The following PRKG1 variants were observed in gnomAD, a reference collection of about 807,000 sequenced individuals.
The protein encoded by PRKG1 is protein kinase cGMP-dependent 1.
PRKG1 carries 35 observed loss-of-function variants against 88.1 expected under a neutral mutation model. That is an observed-to-expected ratio of 0.40 (90% CI 0.30 to 0.53). The LOEUF (loss-of-function observed/expected upper bound fraction) is 0.53, where lower values mean the gene tolerates loss of function less well. PRKG1 is among the 20% of genes least tolerant of loss of function. The pLI, the probability that PRKG1 is intolerant of heterozygous loss-of-function variation, is 0.59. For synonymous variants in PRKG1, 303 were observed against 292.5 expected (o/e 1.04, Z -0.37); for missense variants, 540 against 839.8 (o/e 0.64, Z 4.41).
At chr10:51,637,473 G>T (rs151167873) in intron 3 of PRKG1, among the ~76,000 whole-genome samples, 3 of 152,182 alleles carry the variant, frequency 2.0e-5, no homozygotes, top group Non-Finnish European at 4.4e-5. Context: ...ATATGTATGC[G>T]TTCATTGCAG....
chr10:52,176,023 C>T (rs1838855238), intron 9 of PRKG1, among the ~76,000 whole-genome samples: 1 of 151,908 alleles, frequency 6.6e-6, no homozygotes, highest in Admixed American at 6.6e-5. Flanking sequence ...TTTATTTTCA[C>T]TTCTGTTGCC....
At chr10:51,970,091 A>G (rs1843673334) in intron 5 of PRKG1, among the ~76,000 whole-genome samples, 1 of 151,334 alleles carries the variant, frequency 6.6e-6, no homozygotes, top group South Asian at 2.1e-4. Context: ...TCCCTGAACC[A>G]TTATGTTATA....
At chr10:51,880,632 A>C (rs1209458897) in intron 4 of PRKG1, among the ~76,000 whole-genome samples, 1 of 152,218 alleles carries the variant, frequency 6.6e-6, no homozygotes, top group Non-Finnish European at 1.5e-5. Flanking sequence ...TTAATCTTTT[A>C]AAAACGTCCT....
chr10:51,443,434 G>A (rs969165417), intron 2 of PRKG1, among the ~76,000 whole-genome samples: 5 of 151,948 alleles, frequency 3.3e-5, no homozygotes, highest in Non-Finnish European at 5.9e-5. Context: ...ATCTGAAGGC[G>A]TGCATTAATA....
chr10:51,685,786 A>T (rs899332381), intron 3 of PRKG1, among the ~76,000 whole-genome samples: 1 of 152,176 alleles, frequency 6.6e-6, no homozygotes, highest in African/African-American at 2.4e-5. Flanking sequence ...ACCAGCCATG[A>T]TCATATATGT....
Position 51,933,277 on chromosome 10 carries a change from T to G in PRKG1, c.762+25707T>G, listed in dbSNP as rs76017992. 2.4e-4 allele frequency among the ~76,000 whole-genome samples: 37 copies of G among 152,282 alleles called. No individual in the cohort carries two copies. The East Asian group carries it at 6.9e-3, about 29-fold the overall frequency. On this transcript the variant is annotated intron_variant, in intron 5 of 17. Transcript: ENST00000373980. ...TCTTTTTAAGCCAAAAAATCCAGATTTTTATATGAAATCCAGAGTTTTTTT... is the reference window on the plus strand; with the variant it reads ...TCTTTTTAAGCCAAAAAATCCAGATGTTTATATGAAATCCAGAGTTTTTTT...
At chr10:51,093,391 C>T (rs1221605471) in intron 1 of PRKG1, among the ~76,000 whole-genome samples, 1 of 152,030 alleles carries the variant, frequency 6.6e-6, no homozygotes, top group African/African-American at 2.4e-5. Flanking sequence ...TCCTGGTGCC[C>T]AAAATAATGG....
intron 2 of PRKG1, among the ~76,000 whole-genome samples, chr10:51,403,890 T>C (rs113905724): frequency 0.033 from 5,017 of 152,302 alleles, 266 homozygotes; most frequent in African/African-American, 0.11. Context: ...TTAGTTGAAG[T>C]ATTTTGAAAG....
At chr10:51,835,114 T>C (rs183604464) in intron 4 of PRKG1, among the ~76,000 whole-genome samples, 1 of 152,234 alleles carries the variant, frequency 6.6e-6, no homozygotes, top group African/African-American at 2.4e-5. Flanking sequence ...TTTTCAGCTC[T>C]GGGGCTGGAG....
intron 3 of PRKG1, among the ~76,000 whole-genome samples, chr10:51,784,354 C>T (rs142652406): frequency 8.3e-4 from 126 of 152,180 alleles, no homozygotes; most frequent in African/African-American, 2.8e-3. Context: ...ATGCAGTACA[C>T]ATATGTAGCT....
intron 2 of PRKG1, among the ~76,000 whole-genome samples, chr10:51,381,946 A>G (rs7093265): frequency 0.028 from 4,302 of 152,302 alleles, 197 homozygotes; most frequent in African/African-American, 0.095. Flanking sequence ...GAAGGAAAAG[A>G]GACATTCAGA....
chr10:52,008,573 A>G (rs1313112389), intron 5 of PRKG1, among the ~76,000 whole-genome samples: 1 of 152,104 alleles, frequency 6.6e-6, no homozygotes, highest in Non-Finnish European at 1.5e-5. Flanking sequence ...AAACTCAACC[A>G]GAAGAAATTA....
At chr10:52,084,884 A>T (rs1236885482) in intron 7 of PRKG1, among the ~76,000 whole-genome samples, 2 of 152,044 alleles carry the variant, frequency 1.3e-5, no homozygotes, top group African/African-American at 2.4e-5. Flanking sequence ...GTATCCTTTA[A>T]TCTGAAACTA....
intron 7 of PRKG1, among the ~76,000 whole-genome samples, chr10:52,080,759 GAATTT>G (rs984346595): frequency 5.9e-5 from 9 of 151,846 alleles, no homozygotes; most frequent in African/African-American, 1.9e-4. Context: ...TTTTTAAAAT[GAATTT>G]AATTTATTTA....
chr10:51,472,902 C>T (rs1840086242), intron 3 of PRKG1, among the ~76,000 whole-genome samples: 2 of 151,828 alleles, frequency 1.3e-5, no homozygotes, highest in African/African-American at 4.8e-5. Flanking sequence ...CAGTTTAATA[C>T]ATGATTTTTA....
intron 9 of PRKG1, among the ~76,000 whole-genome samples, chr10:52,206,845 CCAAAG>C (rs1839833408): frequency 1.3e-5 from 2 of 152,184 alleles, no homozygotes; most frequent in African/African-American, 4.8e-5. Flanking sequence ...GGGTTGCCAA[CCAAAG>C]TGCTTCATCA....
chr10:51,359,546 T>C (rs1364880684), intron 2 of PRKG1, among the ~76,000 whole-genome samples: 1 of 151,876 alleles, frequency 6.6e-6, no homozygotes, highest in Non-Finnish European at 1.5e-5. Flanking sequence ...TTTTATTGAA[T>C]TCAGATTTAT....
chr10:52,115,371 C>T (rs540678658), intron 7 of PRKG1, among the ~76,000 whole-genome samples: 2 of 152,162 alleles, frequency 1.3e-5, no homozygotes, highest in Admixed American at 6.6e-5. Context: ...TTTTCTGTCG[C>T]AAAGGTGATA....
intron 1 of PRKG1, among the ~76,000 whole-genome samples, chr10:51,085,930 T>A (rs1844235532): frequency 6.6e-6 from 1 of 152,212 alleles, no homozygotes; most frequent in East Asian, 1.9e-4. Flanking sequence ...CAGGAAAAAG[T>A]CATTTTTCTC....
Sources: gnomAD v4.1 joint callset for allele counts (sites outside exome capture counted in the v4.1 genomes callset) on GRCh38, gnomAD v4.1.1 for gene constraint, MANE v1.5 for transcripts, NCBI Gene and HGNC (gene_info 2026-07-23, HGNC 2026-07-21) for gene names.